The following GATB variants were observed in gnomAD, a reference collection of about 807,000 sequenced individuals.
The protein encoded by GATB is glutamyl-tRNA(Gln) amidotransferase subunit B, mitochondrial.
Under a neutral mutation model 62.3 loss-of-function variants are expected in GATB, and 39 were observed. That is an observed-to-expected ratio of 0.63 (90% CI 0.48 to 0.82). GATB has a LOEUF of 0.82. GATB is among the 40% of genes least tolerant of loss of function. The pLI is 0.00. For missense variants in GATB, 670 were observed against 684.0 expected (o/e 0.98, Z 0.23); for synonymous variants, 276 against 258.9 (o/e 1.07, Z -0.63).
In GATB at chr4:151,719,764, A is replaced by T. The variant is rs73865006; in HGVS notation, c.328-226T>A. On this transcript the variant is annotated intron_variant, in intron 2 of 12. Transcript: ENST00000263985. ...AGCAGTGGGTCCCACCGGGCACTTA[A>T]GGAACTGCCACATCGGGAACCCTTT... The T allele has an allele frequency of 2.1e-3, 801 of 376,736 alleles. 6 individuals carry two copies. Among genetic ancestry groups the T allele is most frequent in the African/African-American group, 0.016 (754 of 46,452 alleles). The allele number at this position is 376,736 out of a possible 1,614,324, so 23.3% of individuals were successfully genotyped here.
chr4:151,716,825 A>C (rs777226836), intron 4 of GATB, 51 bp downstream of exon 4: 19 of 1,555,814 alleles, frequency 1.2e-5, no homozygotes, highest in Non-Finnish European at 1.1e-5. Context: ...GGGCCCTGCT[A>C]TCCAAGAACT....
At chr4:151,672,962 A>T in intron 11 of GATB, 66 bp from the exon 12 acceptor site, 1 of 1,580,538 alleles carries the variant, frequency 6.3e-7, no homozygotes, top group Non-Finnish European at 8.6e-7. Context: ...CTCCATTTGC[A>T]GTGCTGTGCT....
At position 151,686,456 on chromosome 4, in the gene GATB, C is replaced by G. The variant is rs1406195809; in HGVS notation, c.1331+2174G>C. On this transcript the variant is annotated intron_variant, in intron 10 of 12. Coordinates refer to ENST00000263985, the MANE Select transcript of GATB (RefSeq NM_004564.3). ...TCAATATCTGTCTGTCTTCACTCCC[C>G]GGGATGCTGCTGAGACAATGACACA... Among the ~76,000 whole-genome samples, 10 of 152,070 alleles carry G rather than the reference C, an allele frequency of 6.6e-5. No homozygotes were observed. In the East Asian group the frequency reaches 1.9e-3, roughly 29 times the overall value.
rs748112329 is a variant in GATB, at chr4:151,671,308, A to G, written c.1546-6T>C. 2 of 1,562,166 alleles carry G rather than the reference A, an allele frequency of 1.3e-6. No homozygotes were observed. Among genetic ancestry groups the G allele is most frequent in the Non-Finnish European group, 8.6e-7 (1 of 1,166,140 alleles). On this transcript the variant is annotated splice_polypyrimidine_tract_variant and splice_region_variant and intron_variant, in intron 12 of 12. Coordinates refer to ENST00000263985, the MANE Select transcript of GATB (RefSeq NM_004564.3). ...CTGTTCTTCACATCCATTACCTAGA[A>G]GGACAGAAATTACTTACTTAAGAGG...
chr4:151,705,354 T>A, intron 6 of GATB, 85 bp from the exon 7 acceptor site: 1 of 789,884 alleles, frequency 1.3e-6, no homozygotes, highest in East Asian at 2.6e-5. Context: ...CCTTTCTCAA[T>A]CTCTAAGTTA....
intron 11 of GATB, 35 bp from the exon 12 acceptor site, chr4:151,672,931 A>G (rs763726707): frequency 1.2e-6 from 2 of 1,610,902 alleles, no homozygotes; most frequent in African/African-American, 1.3e-5. Flanking sequence ...AAGAGAAATG[A>G]GAAGTCAGCT....
At position 151,731,837 on chromosome 4, in the gene GATB, G is replaced by GGCAGCCACCCA. The variant is rs1739261770; in HGVS notation, c.328-12300_328-12299insTGGGTGGCTGC. Among the ~76,000 whole-genome samples, 3 of 150,616 alleles carry GGCAGCCACCCA rather than the reference G, an allele frequency of 2.0e-5. No individual in the cohort carries two copies. The South Asian group carries it at 6.5e-4, about 33-fold the overall frequency. On this transcript the variant is annotated intron_variant, in intron 2 of 12. Transcript: ENST00000263985. ...TGAGAAGTGAGGAGCCCCTCTGCCCGGCAGCCGCCCCATCTGAGAAGTGAG... is the reference window on the plus strand; with the variant it reads ...TGAGAAGTGAGGAGCCCCTCTGCCCGGCAGCCACCCAGCAGCCGCCCCATCTGAGAAGTGAG...
chr4:151,712,607 C>T (rs954161032), intron 5 of GATB, among the ~76,000 whole-genome samples: 4 of 152,102 alleles, frequency 2.6e-5, no homozygotes, highest in African/African-American at 9.7e-5. Context: ...GTTAAGCTAT[C>T]TCGTTCTGAT....
chr4:151,688,862 G>T, intron 9 of GATB, 99 bp from the exon 10 acceptor site: 2 of 1,177,136 alleles, frequency 1.7e-6, no homozygotes, highest in Non-Finnish European at 1.2e-6. Flanking sequence ...TGCCTCCTCT[G>T]AGACAGCCAC....
At chr4:151,723,742 C>T (rs1468164683) in intron 2 of GATB, 2 of 152,136 alleles carry the variant, frequency 1.3e-5, no homozygotes, top group South Asian at 2.1e-4. Context: ...TTCAGAAACC[C>T]TTAGACACAG....
In GATB at chr4:151,726,580, T is replaced by C. The variant is rs1378826341; in HGVS notation, c.328-7042A>G. 2.6e-5 allele frequency among the ~76,000 whole-genome samples: 4 copies of C among 152,218 alleles called. No individual in the cohort carries two copies. In the East Asian group the frequency reaches 7.7e-4, roughly 29 times the overall value. On this transcript the variant is annotated intron_variant, in intron 2 of 12. Transcript: ENST00000263985. ...TGTGAAGGCTACATTTCCTCTTTTG[T>C]TTAAATCCCTCTTTCCCGAAGGGGA...
chr4:151,729,087 C>A (rs1267379697), intron 2 of GATB, among the ~76,000 whole-genome samples: 1 of 152,108 alleles, frequency 6.6e-6, no homozygotes, highest in Non-Finnish European at 1.5e-5. Context: ...TTTCACACAT[C>A]CAATAGGAAT....
chr4:151,711,106 A>C (rs1436639998), intron 5 of GATB, among the ~76,000 whole-genome samples: 1 of 152,006 alleles, frequency 6.6e-6, no homozygotes, highest in Non-Finnish European at 1.5e-5. Context: ...TATTTCTAAA[A>C]ACCATCTTGT....
chr4:151,700,887 T>G (rs2126968438), intron 9 of GATB, among the ~76,000 whole-genome samples: 1 of 152,338 alleles, frequency 6.6e-6, no homozygotes, highest in East Asian at 1.9e-4. Flanking sequence ...TGTTTTCTTC[T>G]GAAATTGGCA....
Position 151,684,991 on chromosome 4 carries a change from T to C in GATB, c.1331+3639A>G, listed in dbSNP as rs138073822. ...GCCAGGCGACTTGGCTTCCAGTCTT[T>C]GTGGCTGTGCCATCTGAGGCAAGTC... On this transcript the variant is annotated intron_variant, in intron 10 of 12. Coordinates refer to ENST00000263985, the MANE Select transcript of GATB (RefSeq NM_004564.3). Among the ~76,000 whole-genome samples the C allele has an allele frequency of 1.8e-3, 271 of 152,338 alleles. 1 individual carries two copies. The highest frequency in any genetic ancestry group is 6.2e-3 in the African/African-American group (257 of 41,570).
chr4:151,688,535 G>A (rs1480940845), intron 10 of GATB, 95 bp downstream of exon 10: 9 of 1,227,052 alleles, frequency 7.3e-6, no homozygotes, highest in Non-Finnish European at 1.0e-5. Context: ...TCCTGAGGGA[G>A]AACAGCAGGA....
In GATB at chr4:151,701,405, G is replaced by A. The variant is rs147735841; in HGVS notation, c.1121C>T (p.Pro374Leu). Residue 374 changes from proline to leucine, a missense_variant, in exon 9 of 13, where the codon CCG (proline) becomes CTG (leucine). Physicochemically the swap from Pro to Leu is moderately conservative, Grantham distance 98 (BLOSUM62 -3). Coordinates refer to ENST00000263985, the MANE Select transcript of GATB (RefSeq NM_004564.3). ...CTCTCGGGTCACACTGGGGAGCTCCGGGAGTGTCTCCCGAATCTGGTCAAT... is the reference window on the plus strand; with the variant it reads ...CTCTCGGGTCACACTGGGGAGCTCCAGGAGTGTCTCCCGAATCTGGTCAAT... Reference protein sequence around the residue: ...INIDQIRETLPELPSVTREKL... With the variant: ...INIDQIRETLLELPSVTREKL... 8.8e-5 allele frequency: 142 copies of A among 1,605,020 alleles called. No homozygotes were observed. Among genetic ancestry groups the A allele is most frequent in the Non-Finnish European group, 1.1e-4 (132 of 1,175,620 alleles).
At chr4:151,721,205 T>G (rs1397397683) in intron 2 of GATB, 2 of 151,918 alleles carry the variant, frequency 1.3e-5, no homozygotes, top group African/African-American at 4.8e-5. Flanking sequence ...GCCACTGCAC[T>G]CCAGCCTGGG....
intron 6 of GATB, among the ~76,000 whole-genome samples, chr4:151,706,448 C>T (rs1194626046): frequency 1.3e-5 from 2 of 152,226 alleles, no homozygotes; most frequent in African/African-American, 4.8e-5. Context: ...GGTGGAACTT[C>T]CTCCATTTGT....
Sources: allele counts gnomAD v4.1 joint callset (sites outside exome capture counted in the v4.1 genomes callset), GRCh38; gene constraint gnomAD v4.1.1; transcripts MANE v1.5; gene names NCBI Gene and HGNC (gene_info 2026-07-23, HGNC 2026-07-21).